The following SLIT2 variants were observed in gnomAD, a reference collection of about 807,000 sequenced individuals.
SLIT2 encodes slit guidance ligand 2, also known as slit homolog 2 protein.
In SLIT2, 41 loss-of-function variants were observed where a neutral mutation model predicts 185.7. The observed-to-expected ratio is 0.22, with a 90% confidence interval of 0.17 to 0.29. The LOEUF (loss-of-function observed/expected upper bound fraction) is 0.29, where lower values mean the gene tolerates loss of function less well. Ranked by LOEUF, SLIT2 falls within the 10% of genes least tolerant of loss-of-function variation. The pLI is 1.00. For missense variants in SLIT2, 1,571 were observed against 1,909.0 expected (o/e 0.82, Z 3.30); for synonymous variants, 693 against 680.2 (o/e 1.02, Z -0.29).
Position 20,469,713 on chromosome 4 carries a change from T to TG in SLIT2, c.467+1891dup, listed in dbSNP as rs777650224. On this transcript the variant is annotated intron_variant, in intron 5 of 36. Transcript: ENST00000504154. Reference sequence around the variant, plus strand: ...TTGTTATTTTTTGGACTTGCAGATATGAGCAAATTAGTCAGCTTCATTAAG... The same window carrying TG: ...TTGTTATTTTTTGGACTTGCAGATATGGAGCAAATTAGTCAGCTTCATTAAG... Among the ~76,000 whole-genome samples the TG allele has an allele frequency of 6.6e-5, 10 of 151,474 alleles. No homozygotes were observed. The East Asian group carries it at 7.7e-4, about 12-fold the overall frequency.
intron 4 of SLIT2, among the ~76,000 whole-genome samples, chr4:20,340,903 TA>T (rs1396251595): frequency 6.6e-6 from 1 of 152,072 alleles, no homozygotes; most frequent in Non-Finnish European, 1.5e-5. Context: ...GCCCGGCCAA[TA>T]AATTTTGTAA....
intron 4 of SLIT2, among the ~76,000 whole-genome samples, chr4:20,462,234 C>G (rs1021940682): frequency 3.3e-5 from 5 of 152,032 alleles, no homozygotes; most frequent in Non-Finnish European, 7.4e-5. Context: ...TTTCCAGCTC[C>G]CCTCATTTCT....
intron 4 of SLIT2, among the ~76,000 whole-genome samples, chr4:20,324,762 A>G (rs931583350): frequency 1.3e-5 from 2 of 152,182 alleles, no homozygotes; most frequent in African/African-American, 2.4e-5. Flanking sequence ...GTCTTATACA[A>G]AGGACACAAA....
chr4:20,361,686 T>A (rs1722755465), intron 4 of SLIT2, among the ~76,000 whole-genome samples: 1 of 152,168 alleles, frequency 6.6e-6, no homozygotes, highest in African/African-American at 2.4e-5. Flanking sequence ...AAATGGCATA[T>A]TGAATTTTTA....
intron 4 of SLIT2, among the ~76,000 whole-genome samples, chr4:20,463,489 A>ATGTG (rs1207095170): frequency 5.7e-4 from 57 of 99,972 alleles, no homozygotes; most frequent in Non-Finnish European, 9.4e-4. Flanking sequence ...ATATATATAT[A>ATGTG]TATGTGTGTG....
At chr4:20,432,025 G>A (rs1729031491) in intron 4 of SLIT2, among the ~76,000 whole-genome samples, 1 of 149,748 alleles carries the variant, frequency 6.7e-6, no homozygotes, top group South Asian at 2.1e-4. Flanking sequence ...GCTTGTGTGT[G>A]TGAGAGAGAG....
At chr4:20,547,792 G>A (rs1459196171) in intron 22 of SLIT2, among the ~76,000 whole-genome samples, 1 of 151,508 alleles carries the variant, frequency 6.6e-6, no homozygotes. Flanking sequence ...TTCATGAAAT[G>A]TAAATTACGA....
chr4:20,375,549 T>C (rs1050741876), intron 4 of SLIT2, among the ~76,000 whole-genome samples: 1 of 152,106 alleles, frequency 6.6e-6, no homozygotes, highest in African/African-American at 2.4e-5. Flanking sequence ...AGAACTAGGC[T>C]CTGGATTTAG....
At chr4:20,615,142 T>A (rs941708712) in intron 34 of SLIT2, 2 of 152,222 alleles carry the variant, frequency 1.3e-5, no homozygotes, top group African/African-American at 2.4e-5. Flanking sequence ...ACCATAAATA[T>A]GTGGTCATTA....
At chr4:20,574,107 G>A (rs894552564) in intron 29 of SLIT2, among the ~76,000 whole-genome samples, 6 of 151,568 alleles carry the variant, frequency 4.0e-5, no homozygotes, top group African/African-American at 9.7e-5. Flanking sequence ...GGTGTCCGCC[G>A]CCATGCTTGG....
At chr4:20,463,230 C>G (rs935467865) in intron 4 of SLIT2, among the ~76,000 whole-genome samples, 4 of 151,676 alleles carry the variant, frequency 2.6e-5, no homozygotes, top group African/African-American at 9.7e-5. Flanking sequence ...TGCCACCCAC[C>G]ACCTCCCACC....
At chr4:20,480,672 A>T (rs768240287) in intron 5 of SLIT2, 44 bp from the exon 6 acceptor site, 1 of 1,460,748 alleles carries the variant, frequency 6.8e-7, no homozygotes, top group Non-Finnish European at 9.6e-7. Flanking sequence ...TACCCCAGCT[A>T]CTGTCCATCC....
At chr4:20,255,606 A>G (rs1287157776) in intron 1 of SLIT2, among the ~76,000 whole-genome samples, 1 of 150,304 alleles carries the variant, frequency 6.7e-6, no homozygotes, top group African/African-American at 2.4e-5. Context: ...ATTTCATGCT[A>G]TTCAGAACAG....
intron 4 of SLIT2, among the ~76,000 whole-genome samples, chr4:20,307,324 G>A (rs542424127): frequency 7.5e-5 from 11 of 146,352 alleles, no homozygotes; most frequent in East Asian, 4.0e-4. Context: ...GTGCAGTGGC[G>A]CCATCATAGC....
At chr4:20,328,981 T>G (rs1424296632) in intron 4 of SLIT2, among the ~76,000 whole-genome samples, 1 of 151,990 alleles carries the variant, frequency 6.6e-6, no homozygotes, top group Non-Finnish European at 1.5e-5. Context: ...ACAGAGATAT[T>G]AATTCATGGT....
rs575510410 is a variant in SLIT2 at position 20,446,631 on chromosome 4, TAAAAG to T, written c.396-21116_396-21112del. On this transcript the variant is annotated intron_variant, in intron 4 of 36. Transcript: ENST00000504154. ...TTCAAAATTGCAAATTAAGGAGAAA[TAAAAG>T]AAAATATGCATCACTGAAAAATAAA... 9.1e-4 allele frequency among the ~76,000 whole-genome samples: 138 copies of T among 152,188 alleles called. No homozygotes were observed. The South Asian group carries it at 0.016, about 18-fold the overall frequency.
chr4:20,335,178 G>A (rs1720392915), intron 4 of SLIT2, among the ~76,000 whole-genome samples: 1 of 152,094 alleles, frequency 6.6e-6, no homozygotes, highest in African/African-American at 2.4e-5. Context: ...TTCAAGATGA[G>A]ATTTGAATGG....
intron 34 of SLIT2, among the ~76,000 whole-genome samples, chr4:20,611,523 T>A (rs1729222240): frequency 6.6e-6 from 1 of 152,186 alleles, no homozygotes; most frequent in Non-Finnish European, 1.5e-5. Flanking sequence ...ATAAATAAAG[T>A]ATTGCATAGT....
chr4:20,448,722 C>T (rs112952386), intron 4 of SLIT2, among the ~76,000 whole-genome samples: 2,333 of 152,198 alleles, frequency 0.015, 42 homozygotes, highest in African/African-American at 0.037. Context: ...ACTGCAACCT[C>T]CACCTCCCAA....
Sources: allele counts gnomAD v4.1 joint callset (sites outside exome capture counted in the v4.1 genomes callset), GRCh38; gene constraint gnomAD v4.1.1; transcripts MANE v1.5; gene names NCBI Gene and HGNC (gene_info 2026-07-23, HGNC 2026-07-21).